ARPP21: variants seen among roughly 807,000 people sequenced by gnomAD.
ARPP21 encodes the protein cAMP regulated phosphoprotein 21.
ARPP21 carries 69 observed loss-of-function variants against 113.2 expected under a neutral mutation model. The observed-to-expected ratio is 0.61, with a 90% CI of 0.50 to 0.74. The LOEUF (loss-of-function observed/expected upper bound fraction) is 0.74, where lower values mean the gene tolerates loss of function less well. ARPP21 is among the 30% of genes least tolerant of loss of function. The pLI, the probability that ARPP21 is intolerant of heterozygous loss-of-function variation, is 0.00. For synonymous variants in ARPP21, 368 were observed against 375.5 expected (o/e 0.98, Z 0.23); for missense variants, 1,070 against 1,037.4 (o/e 1.03, Z -0.43).
At chr3:35,775,367 G>A (rs1358327048) in intron 19 of ARPP21, among the ~76,000 whole-genome samples, 2 of 152,120 alleles carry the variant, frequency 1.3e-5, no homozygotes, top group Admixed American at 6.6e-5. Context: ...AACTTTCACT[G>A]TGTTTATAAA....
chr3:35,745,569 A>G (rs1271403400), intron 19 of ARPP21, among the ~76,000 whole-genome samples: 1 of 152,248 alleles, frequency 6.6e-6, no homozygotes, highest in Non-Finnish European at 1.5e-5. Context: ...ACATGCTGCA[A>G]TCCACTAAAC....
Position 35,690,776 on chromosome 3 carries a change from A to G in ARPP21, c.546-89A>G. ...ATAGGCTTAGTGGTTTAGATGAAGAAGAAATAGTTTTGTGTGTATACTTGT... is the reference window on the plus strand; with the variant it reads ...ATAGGCTTAGTGGTTTAGATGAAGAGGAAATAGTTTTGTGTGTATACTTGT... On this transcript the variant is annotated intron_variant, in intron 8 of 20. Coordinates refer to ENST00000684406, the MANE Select transcript of ARPP21 (RefSeq NM_001385562.1). 5 of 1,230,982 alleles carry G rather than the reference A, an allele frequency of 4.1e-6. No individual in the cohort carries two copies. The South Asian group carries it at 5.0e-5, about 12-fold the overall frequency. 76.3% of individuals were successfully genotyped at this position (1,230,982 alleles called of 1,614,324 possible).
At chr3:35,763,625 G>T (rs747751134) in intron 19 of ARPP21, among the ~76,000 whole-genome samples, 1 of 152,034 alleles carries the variant, frequency 6.6e-6, no homozygotes, top group Non-Finnish European at 1.5e-5. Flanking sequence ...ATCCTTTAGC[G>T]GCTATTGTAA....
intron 19 of ARPP21, among the ~76,000 whole-genome samples, chr3:35,750,114 G>A (rs1393492278): frequency 6.7e-5 from 7 of 104,400 alleles, no homozygotes; most frequent in South Asian, 3.2e-4. Context: ...GGTTTATTTC[G>A]CTTTTTTTTT....
At chr3:35,777,919 C>T (rs1428488658) in intron 19 of ARPP21, among the ~76,000 whole-genome samples, 1 of 152,136 alleles carries the variant, frequency 6.6e-6, no homozygotes, top group East Asian at 1.9e-4. Context: ...CCATTTCATC[C>T]AAATGGAAAG....
chr3:35,690,297 C>T (rs766064214), intron 8 of ARPP21, among the ~76,000 whole-genome samples, 157 bp downstream of exon 8: 12 of 151,536 alleles, frequency 7.9e-5, no homozygotes, highest in Middle Eastern at 3.4e-3. Context: ...TAGGACTATA[C>T]GCTGATGAGA....
At chr3:35,732,521 TCTTGG>T in intron 15 of ARPP21, among the ~76,000 whole-genome samples, 1 of 152,220 alleles carries the variant, frequency 6.6e-6, no homozygotes, top group Non-Finnish European at 1.5e-5. Context: ...AAGCCTGGAA[TCTTGG>T]GTTTGATCTT....
In ARPP21 at chr3:35,786,400, T is replaced by A. The variant is rs191988782; in HGVS notation, c.2138-5982T>A. On this transcript the variant is annotated intron_variant, in intron 19 of 20. Coordinates refer to ENST00000684406, the MANE Select transcript of ARPP21 (RefSeq NM_001385562.1). ...AGCTGGGTGTGGTGGTGCGTGCCTGTTTTCCCAGCTACTTAGGAGGCTGAG... is the reference window on the plus strand; with the variant it reads ...AGCTGGGTGTGGTGGTGCGTGCCTGATTTCCCAGCTACTTAGGAGGCTGAG... Among the ~76,000 whole-genome samples the A allele has an allele frequency of 5.2e-3, 792 of 151,942 alleles. 11 individuals carry two copies. Among genetic ancestry groups the A allele is most frequent in the African/African-American group, 0.018 (748 of 41,422 alleles).
At chr3:35,662,686 A>G (rs532320523) in intron 1 of ARPP21, among the ~76,000 whole-genome samples, 3 of 152,278 alleles carry the variant, frequency 2.0e-5, no homozygotes, top group African/African-American at 7.2e-5. Context: ...ATTATTGGAT[A>G]TGGATTATTC....
At chr3:35,787,768 G>A (rs1010918081) in intron 19 of ARPP21, among the ~76,000 whole-genome samples, 5 of 152,074 alleles carry the variant, frequency 3.3e-5, no homozygotes, top group Admixed American at 6.6e-5. Flanking sequence ...TTGAATACTT[G>A]CCACATAAAA....
At chr3:35,715,316 G>T in intron 11 of ARPP21, 123 bp from the exon 12 acceptor site, 2 of 745,744 alleles carry the variant, frequency 2.7e-6, no homozygotes, top group Non-Finnish European at 2.3e-6. Flanking sequence ...TCTATCTTTT[G>T]TACCTATTTT....
At chr3:35,781,851 A>C (rs1387717178) in intron 19 of ARPP21, among the ~76,000 whole-genome samples, 1 of 152,124 alleles carries the variant, frequency 6.6e-6, no homozygotes, top group Non-Finnish European at 1.5e-5. Context: ...TTTAGTCCCA[A>C]ATTCTCCTTG....
intron 9 of ARPP21, among the ~76,000 whole-genome samples, chr3:35,703,969 A>G (rs562448543): frequency 2.6e-5 from 4 of 151,866 alleles, no homozygotes; most frequent in South Asian, 2.1e-4. Context: ...ATCACTTGCA[A>G]TACTTCAGGT....
At chr3:35,780,579 A>G (rs1035384986) in intron 19 of ARPP21, among the ~76,000 whole-genome samples, 2 of 151,958 alleles carry the variant, frequency 1.3e-5, no homozygotes, top group Admixed American at 6.6e-5. Context: ...TCTGTGAGGG[A>G]AAAAAAATAA....
intron 19 of ARPP21, among the ~76,000 whole-genome samples, chr3:35,748,491 G>T (rs1475773507): frequency 6.7e-6 from 1 of 149,854 alleles, no homozygotes; most frequent in African/African-American, 2.5e-5. Context: ...AGGGAGGGAA[G>T]GAAGGAAGAA....
intron 19 of ARPP21, among the ~76,000 whole-genome samples, chr3:35,758,542 A>G (rs1342728224): frequency 6.6e-6 from 1 of 151,926 alleles, no homozygotes; most frequent in Non-Finnish European, 1.5e-5. Flanking sequence ...TGAATATGCT[A>G]CACAAAGGAG....
intron 9 of ARPP21, among the ~76,000 whole-genome samples, chr3:35,706,519 C>G (rs2089133387): frequency 6.6e-6 from 1 of 152,176 alleles, no homozygotes; most frequent in South Asian, 2.1e-4. Context: ...TCTCTCACTA[C>G]ACAGTCTAAA....
At chr3:35,684,772 T>A in intron 5 of ARPP21, 1 of 985,274 alleles carries the variant, frequency 1.0e-6, no homozygotes, top group Non-Finnish European at 1.2e-6. Context: ...CAAAAATAAA[T>A]TCCTAATAGA....
intron 19 of ARPP21, among the ~76,000 whole-genome samples, chr3:35,756,499 T>C (rs1357412381): frequency 6.7e-6 from 1 of 149,760 alleles, no homozygotes; most frequent in African/African-American, 2.5e-5. Context: ...TGCTTTCATT[T>C]AGGTGCTATT....
Sources: allele counts gnomAD v4.1 joint callset (sites outside exome capture counted in the v4.1 genomes callset), GRCh38; gene constraint gnomAD v4.1.1; transcripts MANE v1.5; gene names NCBI Gene and HGNC (gene_info 2026-07-23, HGNC 2026-07-21).